Variants in DCAF8L2 observed in about 807,000 individuals in gnomAD.
DCAF8L2 encodes DDB1 and CUL4 associated factor 8 like 2, also known as DDB1- and CUL4-associated factor 8-like protein 2.
For synonymous variants in DCAF8L2, 200 were observed against 190.9 expected (o/e 1.05, Z -0.39); for missense variants, 430 against 490.7 (o/e 0.88, Z 1.17).
At chrX:27,510,008 A>C in the DCAF8L2 span, among the ~76,000 whole-genome samples, 7 of 111,600 alleles carry the variant, frequency 6.3e-5, no homozygotes, top group East Asian at 1.7e-3. Flanking sequence ...TATTTATTAA[A>C]ATTTGATCAA....
the DCAF8L2 span, among the ~76,000 whole-genome samples, chrX:27,547,871 T>TCTCTCTCTCTCTCTCTCTCTCTCTCTCTC: frequency 5.2e-5 from 1 of 19,276 alleles, no homozygotes; most frequent in Admixed American, 4.9e-4. Context: ...CTCTCTCTCT[T>TCTCTCTCTCTCTCTCTCTCTCTCTCTCTC]TCTCTCTCTC....
At chrX:27,521,102 T>C in the DCAF8L2 span, among the ~76,000 whole-genome samples, 2 of 112,178 alleles carry the variant, frequency 1.8e-5, no homozygotes, top group African/African-American at 3.2e-5. Context: ...TTTGTTCTTA[T>C]ATATACACAT....
At chrX:27,724,200 T>G (rs753540388) in intron 4 of DCAF8L2, among the ~76,000 whole-genome samples, 1 of 110,862 alleles carries the variant, frequency 9.0e-6, no homozygotes, top group South Asian at 3.7e-4. Context: ...TCTTAAAAAA[T>G]AATCATAGGA....
chrX:27,599,010 T>C (rs1926508319), intron 1 of DCAF8L2, among the ~76,000 whole-genome samples: 1 of 107,009 alleles, frequency 9.3e-6, no homozygotes, highest in Admixed American at 1.0e-4. Context: ...CAATTTCACT[T>C]CTGGGTGTTT....
Position 27,640,058 on chromosome X carries a change from G to T in DCAF8L2, c.-220+8058G>T, listed in dbSNP as rs189798779. On this transcript the variant is annotated intron_variant, in intron 2 of 4. Coordinates refer to ENST00000451261, the MANE Select transcript of DCAF8L2 (RefSeq NM_001353450.2). ...CCCATTAACTGGTCATTTACATTAG[G>T]TATATCTCCTAATGCTATCCCTCCC... Among the ~76,000 whole-genome samples, 205 of 111,270 alleles carry T rather than the reference G, an allele frequency of 1.8e-3. 1 individual carries two copies. Among genetic ancestry groups the T allele is most frequent in the African/African-American group, 6.4e-3 (196 of 30,636 alleles).
intron 2 of DCAF8L2, among the ~76,000 whole-genome samples, chrX:27,674,928 G>C (rs1187990515): frequency 1.8e-5 from 2 of 111,117 alleles, no homozygotes; most frequent in Non-Finnish European, 3.8e-5. Flanking sequence ...AGAAATCAAG[G>C]GACCTGCCCT....
At chrX:27,571,657 A>G in the DCAF8L2 span, among the ~76,000 whole-genome samples, 27 of 111,691 alleles carry the variant, frequency 2.4e-4, no homozygotes, top group African/African-American at 8.4e-4. Context: ...GCTTTAACTG[A>G]CTGAATATGG....
intron 4 of DCAF8L2, among the ~76,000 whole-genome samples, chrX:27,719,591 C>T (rs1931821855): frequency 1.8e-5 from 2 of 108,703 alleles, no homozygotes; most frequent in Non-Finnish European, 3.8e-5. Flanking sequence ...ACTACAGGTG[C>T]ATGTCGCCAT....
chrX:27,709,991 C>A (rs1414212520), intron 3 of DCAF8L2, among the ~76,000 whole-genome samples: 1 of 110,878 alleles, frequency 9.0e-6, no homozygotes, highest in Non-Finnish European at 1.9e-5. Flanking sequence ...TTTCACATTT[C>A]TATGAAATGT....
chrX:27,749,011 G>A lies in DCAF8L2; in HGVS notation c.*220G>A, dbSNP rs189602671. ...ATTCCTTTCCTCTTGGTTTCTTTAC[G>A]CCTCTTTTGTTACCCCTTATTCTTA... On this transcript the variant is annotated 3_prime_UTR_variant, in exon 5 of 5. Transcript: ENST00000451261. Among the ~76,000 whole-genome samples, 1 of 107,945 alleles carries A rather than the reference G, an allele frequency of 9.3e-6. No homozygotes were observed. Among genetic ancestry groups the A allele is most frequent in the African/African-American group, 3.4e-5 (1 of 29,458 alleles). The allele number at this position is 107,945 out of a possible 115,157, so 93.7% of individuals were successfully genotyped here.
chrX:27,638,956 G>A (rs1026629693), intron 2 of DCAF8L2, among the ~76,000 whole-genome samples: 1 of 111,455 alleles, frequency 9.0e-6, no homozygotes, highest in African/African-American at 3.3e-5. Flanking sequence ...TAGCACTATA[G>A]GAGAACCAAG....
intron 1 of DCAF8L2, among the ~76,000 whole-genome samples, chrX:27,618,712 G>T: frequency 9.0e-6 from 1 of 111,062 alleles, no homozygotes. Flanking sequence ...CTCTTGGCTG[G>T]TTGTGTATGT....
the DCAF8L2 span, among the ~76,000 whole-genome samples, chrX:27,558,997 AG>A: frequency 9.0e-6 from 1 of 110,717 alleles, no homozygotes; most frequent in East Asian, 2.9e-4. Flanking sequence ...CCATGTGTCA[AG>A]GGAGGGACCT....
chrX:27,614,343 TTTC>T (rs1304359105), intron 1 of DCAF8L2, among the ~76,000 whole-genome samples: 1 of 111,476 alleles, frequency 9.0e-6, no homozygotes, highest in African/African-American at 3.3e-5. Flanking sequence ...TTTTCTCTCT[TTTC>T]TTCTTTATTA....
chrX:27,677,514 G>A (rs1306116264), intron 2 of DCAF8L2, among the ~76,000 whole-genome samples: 3 of 111,418 alleles, frequency 2.7e-5, no homozygotes, highest in Admixed American at 9.6e-5. Flanking sequence ...CAGTTGAAGA[G>A]AATATTGTTC....
the DCAF8L2 span, among the ~76,000 whole-genome samples, chrX:27,547,841 CTCTT>C: frequency 3.3e-5 from 3 of 91,390 alleles, no homozygotes; most frequent in Admixed American, 1.2e-4. Flanking sequence ...CTCTCTCTCT[CTCTT>C]TCTCTCTCTC....
At chrX:27,635,144 A>C (rs1928448946) in intron 2 of DCAF8L2, among the ~76,000 whole-genome samples, 1 of 111,564 alleles carries the variant, frequency 9.0e-6, no homozygotes, top group Non-Finnish European at 1.9e-5. Flanking sequence ...GTTATTACAT[A>C]ATTTTTATCA....
At chrX:27,679,044 T>G (rs915995690) in intron 3 of DCAF8L2, among the ~76,000 whole-genome samples, 7 of 111,502 alleles carry the variant, frequency 6.3e-5, no homozygotes, top group African/African-American at 2.3e-4. Flanking sequence ...ATAATGGCTA[T>G]GCAGAGGAGG....
At chrX:27,597,339 T>C (rs1294428505) in intron 1 of DCAF8L2, among the ~76,000 whole-genome samples, 3 of 111,621 alleles carry the variant, frequency 2.7e-5, no homozygotes, top group Non-Finnish European at 1.9e-5. Flanking sequence ...CTGATGACTT[T>C]TCCTTGTGGT....
Sources: allele counts gnomAD v4.1 joint callset (sites outside exome capture counted in the v4.1 genomes callset), GRCh38; gene constraint gnomAD v4.1.1; transcripts MANE v1.5; gene names NCBI Gene and HGNC (gene_info 2026-07-23, HGNC 2026-07-21).